CELF2: variants seen among roughly 807,000 people sequenced by gnomAD.
CELF2 encodes the protein CUGBP Elav-like family member 2, also known as CUG triplet repeat RNA-binding protein 2.
A neutral mutation model predicts 62.6 loss-of-function variants in CELF2; 8 were observed. That is an observed-to-expected ratio of 0.13 (90% confidence interval 0.07 to 0.23). CELF2 has a LOEUF of 0.23. Among genes scored for constraint, CELF2 ranks in the 10% least tolerant of loss-of-function variants. CELF2 has a pLI of 1.00. For missense variants in CELF2, 333 were observed against 671.0 expected (o/e 0.50, Z 5.56); for synonymous variants, 258 against 250.0 (o/e 1.03, Z -0.30).
chr10:10,881,544 C>G (rs955206278), intron 1 of CELF2, among the ~76,000 whole-genome samples: 1 of 152,138 alleles, frequency 6.6e-6, no homozygotes, highest in African/African-American at 2.4e-5. Flanking sequence ...ATTTAGCATC[C>G]TGAAACATTT....
chr10:11,021,811 C>T (rs985608356), intron 1 of CELF2, among the ~76,000 whole-genome samples: 3 of 152,200 alleles, frequency 2.0e-5, no homozygotes, highest in Non-Finnish European at 4.4e-5. Flanking sequence ...AAGGATATGA[C>T]ATACCCTTTT....
chr10:10,880,537 A>G (rs867109630), intron 1 of CELF2, among the ~76,000 whole-genome samples: 1 of 152,170 alleles, frequency 6.6e-6, no homozygotes, highest in African/African-American at 2.4e-5. Context: ...GAATCCTTCA[A>G]GTGAGATTTG....
At chr10:10,611,904 G>A in the CELF2 span, among the ~76,000 whole-genome samples, 1 of 152,188 alleles carries the variant, frequency 6.6e-6, no homozygotes, top group Non-Finnish European at 1.5e-5. Context: ...GGAGAGGGAG[G>A]AGGCAGTGAT....
chr10:11,222,011 C>G lies in CELF2; in HGVS notation c.354+4504C>G, dbSNP rs971745992. ...GCCTCCTGGGACAAGTGTGTTCACC[C>G]AGGTGGAGTGAATGGGCCCCTTCCT... is the stretch of plus-strand genomic sequence containing the variant. On this transcript the variant is annotated intron_variant, in intron 3 of 12. Transcript: ENST00000633077. 2.6e-5 allele frequency among the ~76,000 whole-genome samples: 4 copies of G among 152,350 alleles called. No homozygotes were observed. In the East Asian group the frequency reaches 7.7e-4, roughly 29 times the overall value.
At chr10:10,765,663 G>A in the CELF2 span, among the ~76,000 whole-genome samples, 1 of 152,188 alleles carries the variant, frequency 6.6e-6, no homozygotes, top group Admixed American at 6.5e-5. Context: ...ACAACCGACT[G>A]CAGCTGGTCT....
intron 9 of CELF2, among the ~76,000 whole-genome samples, chr10:11,312,012 A>C (rs1427462718): frequency 6.6e-6 from 1 of 152,244 alleles, no homozygotes; most frequent in East Asian, 1.9e-4. Context: ...CATAGTGATA[A>C]ATGCAGAACA....
Position 11,267,184 on chromosome 10 carries a change from T to G in CELF2, c.618+507T>G, listed in dbSNP as rs1443232594. ...AAGAATGTTGGAGAAAGTTAATATT[T>G]CTCCCACTGCATTTAACATTGAAAG... On this transcript the variant is annotated intron_variant, in intron 6 of 12. Transcript: ENST00000633077. The surrounding 1 kb of genome is among the most constrained non-coding windows in gnomAD (Gnocchi z 4.4). Among the ~76,000 whole-genome samples the G allele has an allele frequency of 1.3e-5, 2 of 152,212 alleles. No homozygotes were observed. The highest frequency in any genetic ancestry group is 4.8e-5 in the African/African-American group (2 of 41,440).
chr10:11,081,423 C>T (rs1403301849), intron 1 of CELF2, among the ~76,000 whole-genome samples: 1 of 152,116 alleles, frequency 6.6e-6, no homozygotes, highest in Non-Finnish European at 1.5e-5. Flanking sequence ...TGGGACAATT[C>T]AAGTTTGAAA....
chr10:10,696,208 T>C, the CELF2 span, among the ~76,000 whole-genome samples: 2 of 152,068 alleles, frequency 1.3e-5, no homozygotes, highest in Non-Finnish European at 2.9e-5. Flanking sequence ...TGTTTGTTAG[T>C]TTTCCTTCTA....
rs1041334386 is a variant in CELF2, at chr10:11,145,794, A to G, written c.75-19692A>G. 3.3e-5 allele frequency among the ~76,000 whole-genome samples: 5 copies of G among 152,334 alleles called. No homozygotes were observed. The highest frequency in any genetic ancestry group is 1.9e-4 in the East Asian group (1 of 5,190). ...TGTCATTACCAGTATTGGTTGCACTACTGTAGCGTTCTGGGTGCTGGGGAT... is the reference window on the plus strand; with the variant it reads ...TGTCATTACCAGTATTGGTTGCACTGCTGTAGCGTTCTGGGTGCTGGGGAT... On this transcript the variant is annotated intron_variant, in intron 1 of 12. Coordinates refer to ENST00000633077, the MANE Select transcript of CELF2 (RefSeq NM_001326342.2). The surrounding 1 kb of genome is among the most constrained non-coding windows in gnomAD (Gnocchi z 4.3).
chr10:10,822,322 A>AGTCAT (rs1280676393), intron 1 of CELF2, among the ~76,000 whole-genome samples: 2 of 152,352 alleles, frequency 1.3e-5, no homozygotes, highest in South Asian at 4.1e-4. Context: ...ATAGACAGGA[A>AGTCAT]GTCATTGCCT....
chr10:10,875,804 C>G (rs2061050363), intron 1 of CELF2, among the ~76,000 whole-genome samples: 1 of 152,220 alleles, frequency 6.6e-6, no homozygotes, highest in South Asian at 2.1e-4. Context: ...CTCCATACAT[C>G]TCTTCCCTCT....
At chr10:10,619,705 T>C in the CELF2 span, among the ~76,000 whole-genome samples, 1 of 152,326 alleles carries the variant, frequency 6.6e-6, no homozygotes, top group African/African-American at 2.4e-5. Context: ...CGTCGTATTA[T>C]CAACACAGTT....
the CELF2 span, among the ~76,000 whole-genome samples, chr10:10,595,176 G>A: frequency 2.0e-5 from 3 of 152,162 alleles, no homozygotes; most frequent in Non-Finnish European, 4.4e-5. Flanking sequence ...CCATGAAAAT[G>A]TATGTTACAT....
the CELF2 span, among the ~76,000 whole-genome samples, chr10:10,727,744 C>T: frequency 6.7e-6 from 1 of 149,726 alleles, no homozygotes; most frequent in African/African-American, 2.5e-5. Context: ...CCACTGCACT[C>T]CAGCCTGGGC....
At chr10:10,481,546 A>C in the CELF2 span, among the ~76,000 whole-genome samples, 1 of 152,166 alleles carries the variant, frequency 6.6e-6, no homozygotes, top group Non-Finnish European at 1.5e-5. Flanking sequence ...TCCCCCTTGA[A>C]GCTGGATTAT....
chr10:11,149,003 C>T (rs2062798538), intron 1 of CELF2, among the ~76,000 whole-genome samples: 1 of 152,166 alleles, frequency 6.6e-6, no homozygotes, highest in Non-Finnish European at 1.5e-5. Context: ...AGTTTTAACC[C>T]ATTTAGGAGA....
At chr10:11,274,263 A>T (rs2085102523) in intron 7 of CELF2, among the ~76,000 whole-genome samples, 1 of 152,180 alleles carries the variant, frequency 6.6e-6, no homozygotes, top group East Asian at 1.9e-4. Context: ...CTTTCACCTA[A>T]GTTAAGCTGC....
chr10:10,582,044 G>C, the CELF2 span, among the ~76,000 whole-genome samples: 1 of 151,858 alleles, frequency 6.6e-6, no homozygotes, highest in Non-Finnish European at 1.5e-5. Flanking sequence ...AAGGGTGGGG[G>C]GTCACATATC....
Sources: gnomAD v4.1 joint callset for allele counts (sites outside exome capture counted in the v4.1 genomes callset) on GRCh38, gnomAD v4.1.1 for gene constraint, Gnocchi (gnomAD v3.1) non-coding constraint, MANE v1.5 for transcripts, NCBI Gene and HGNC (gene_info 2026-07-23, HGNC 2026-07-21) for gene names.